Variants in BLTP1 observed in about 807,000 individuals in gnomAD.
BLTP1 encodes the protein fragile site-associated protein.
the BLTP1 span, among the ~76,000 whole-genome samples, chr4:122,294,626 T>C: frequency 6.6e-6 from 1 of 151,896 alleles, no homozygotes; most frequent in Non-Finnish European, 1.5e-5. Context: ...AACTCAAAGA[T>C]TGAAGGTAGA....
the BLTP1 span, among the ~76,000 whole-genome samples, chr4:122,330,355 G>A: frequency 8.3e-4 from 126 of 151,822 alleles, no homozygotes; most frequent in Non-Finnish European, 1.6e-3. Flanking sequence ...AATATGCAAG[G>A]ATTCTGTTTT....
the BLTP1 span, chr4:122,346,464 A>C: frequency 2.0e-6 from 2 of 984,928 alleles, no homozygotes; most frequent in Non-Finnish European, 2.4e-6. Flanking sequence ...TAACAGTGTT[A>C]GAATGTGCTG....
At chr4:122,207,514 C>CTTTTTTTTATTTTTTTTTTT in the BLTP1 span, 1 of 1,285,990 alleles carries the variant, frequency 7.8e-7, no homozygotes, top group Non-Finnish European at 1.0e-6. Context: ...ACTTTTTCTT[C>CTTTTTTTTATTTTTTTTTTT]TTTTTTTTTT....
the BLTP1 span, chr4:122,279,640 TA>T: frequency 1.1e-6 from 1 of 950,698 alleles, no homozygotes; most frequent in Non-Finnish European, 1.5e-6. Context: ...ACTTTTTTTG[TA>T]ATACACATTT....
the BLTP1 span, among the ~76,000 whole-genome samples, chr4:122,211,490 A>G: frequency 3.3e-5 from 5 of 152,200 alleles, no homozygotes; most frequent in African/African-American, 1.2e-4. Flanking sequence ...GGAAAAGACT[A>G]CTTTAAGTGA....
the BLTP1 span, chr4:122,355,961 T>G: frequency 8.1e-6 from 13 of 1,611,078 alleles, no homozygotes; most frequent in Non-Finnish European, 1.1e-5. Context: ...TCCATTCATG[T>G]TCAAGAACCA....
chr4:122,256,053 G>A, the BLTP1 span: 3 of 983,414 alleles, frequency 3.1e-6, no homozygotes, highest in Non-Finnish European at 3.6e-6. Context: ...ATCCATCTCT[G>A]CCTCTGGAAA....
At chr4:122,187,103 G>T in the BLTP1 span, 2 of 983,808 alleles carry the variant, frequency 2.0e-6, no homozygotes, top group South Asian at 4.7e-5. Context: ...ATAAAATGTC[G>T]TATAGTAACA....
At chr4:122,237,041 C>T in the BLTP1 span, 1 of 984,450 alleles carries the variant, frequency 1.0e-6, no homozygotes, top group Non-Finnish European at 1.2e-6. Flanking sequence ...AAATCAAGAC[C>T]ATTTTTTCTT....
the BLTP1 span, chr4:122,334,498 G>C: frequency 6.2e-7 from 1 of 1,612,680 alleles, no homozygotes; most frequent in Admixed American, 1.7e-5. Flanking sequence ...ACTGTCCAGA[G>C]CAAGACTAAC....
the BLTP1 span, chr4:122,254,419 T>G: frequency 2.2e-6 from 3 of 1,378,148 alleles, no homozygotes; most frequent in Non-Finnish European, 3.0e-6. Flanking sequence ...TTCTGTTTCA[T>G]ATTTTTAAAA....
At chr4:122,356,739 TAAAG>T in the BLTP1 span, 1 of 1,610,972 alleles carries the variant, frequency 6.2e-7, no homozygotes, top group Non-Finnish European at 8.5e-7. Context: ...CAGCTTATCT[TAAAG>T]AAAAAGAAAA....
chr4:122,261,310 G>A, the BLTP1 span: 2 of 984,918 alleles, frequency 2.0e-6, no homozygotes, highest in African/African-American at 3.5e-5. Flanking sequence ...TCATATTTAG[G>A]TGTTTTCCTG....
At chr4:122,275,003 C>G in the BLTP1 span, among the ~76,000 whole-genome samples, 2 of 152,058 alleles carry the variant, frequency 1.3e-5, no homozygotes, top group South Asian at 2.1e-4. Flanking sequence ...GGCCCATTCT[C>G]AAGACTTCCT....
At chr4:122,237,336 C>T in the BLTP1 span, 9 of 985,352 alleles carry the variant, frequency 9.1e-6, no homozygotes, top group African/African-American at 1.6e-4. Context: ...CTTTATGAAA[C>T]TGTGAAACAG....
At chr4:122,272,350 G>A in the BLTP1 span, 1 of 1,613,088 alleles carries the variant, frequency 6.2e-7, no homozygotes, top group Non-Finnish European at 8.5e-7. Flanking sequence ...GACTAACAAT[G>A]GAATCAGAAC....
chr4:122,330,516 A>G, the BLTP1 span, among the ~76,000 whole-genome samples: 1 of 151,944 alleles, frequency 6.6e-6, no homozygotes, highest in African/African-American at 2.4e-5. Context: ...TTGTTGGCTG[A>G]TTCTTTGGAG....
the BLTP1 span, chr4:122,180,035 CACACACACAT>C: frequency 2.1e-6 from 2 of 950,950 alleles, no homozygotes; most frequent in Non-Finnish European, 1.2e-6. Context: ...TACACACACA[CACACACACAT>C]ACACACACAC....
At chr4:122,289,436 C>G in the BLTP1 span, 5 of 937,774 alleles carry the variant, frequency 5.3e-6, no homozygotes, top group Non-Finnish European at 5.1e-6. Context: ...ATGTTTCACC[C>G]TGAAAAAAGA....
Sources: allele counts gnomAD v4.1 joint callset (sites outside exome capture counted in the v4.1 genomes callset), GRCh38; gene constraint gnomAD v4.1.1; transcripts MANE v1.5; gene names NCBI Gene and HGNC (gene_info 2026-07-23, HGNC 2026-07-21).